Variants in BIRC2 observed in about 807,000 individuals in gnomAD.
BIRC2 encodes the protein baculoviral IAP repeat-containing protein 2.
In BIRC2, 18 loss-of-function variants were observed where a neutral mutation model predicts 60.9. That is an observed-to-expected ratio of 0.30 (90% CI 0.20 to 0.44). The LOEUF (loss-of-function observed/expected upper bound fraction) is 0.44. Among genes scored for constraint, BIRC2 ranks in the 20% least tolerant of loss-of-function variants. The pLI, the probability that BIRC2 is intolerant of heterozygous loss-of-function variation, is 1.00. For synonymous variants in BIRC2, 282 were observed against 247.7 expected (o/e 1.14, Z -1.30); for missense variants, 701 against 728.5 (o/e 0.96, Z 0.43).
chr11:102,367,002 A>G (rs1219786224), intron 5 of BIRC2, among the ~76,000 whole-genome samples: 3 of 152,182 alleles, frequency 2.0e-5, no homozygotes, highest in Non-Finnish European at 2.9e-5. Flanking sequence ...CTCTTTGCTT[A>G]GAAGACTTCT....
At chr11:102,352,045 G>T (rs551483824) in intron 3 of BIRC2, among the ~76,000 whole-genome samples, 9 of 151,156 alleles carry the variant, frequency 6.0e-5, no homozygotes, top group Non-Finnish European at 8.8e-5. Flanking sequence ...TACCCATCAA[G>T]TACTAATTCA....
chr11:102,375,334 A>C (rs929198144), intron 6 of BIRC2, among the ~76,000 whole-genome samples: 1 of 152,220 alleles, frequency 6.6e-6, no homozygotes, highest in East Asian at 1.9e-4. Flanking sequence ...AGAGAGGCGA[A>C]GGTTGCATAT....
chr11:102,348,802 G>A lies in BIRC2; in HGVS notation c.-1053G>A. The A allele has an allele frequency of 3.5e-6, 1 of 284,808 alleles. No individual in the cohort carries two copies. The highest frequency in any genetic ancestry group is 6.8e-6 in the Non-Finnish European group (1 of 146,198). 17.6% of individuals were successfully genotyped at this position (284,808 alleles called of 1,614,324 possible). On this transcript the variant is annotated 5_prime_UTR_variant, in exon 2 of 9. Transcript: ENST00000227758. ...GATTACTGATACTTTATGCTAAGCA[G>A]TACTTTTTTGGTAGTACAATATTTT...
intron 3 of BIRC2, among the ~76,000 whole-genome samples, chr11:102,353,294 A>G (rs1193066891): frequency 3.3e-5 from 5 of 152,150 alleles, no homozygotes; most frequent in Admixed American, 3.3e-4. Flanking sequence ...TGTTTTGTAA[A>G]TGCTTCTCTG....
chr11:102,347,522 T>G (rs1187373979), intron 1 of BIRC2, 146 bp downstream of exon 1: 1 of 152,218 alleles, frequency 6.6e-6, no homozygotes, highest in Non-Finnish European at 1.5e-5. Context: ...CGCCGGGGGC[T>G]CTCTGCTTTC....
In BIRC2 at chr11:102,368,663, C is replaced by G. The variant is rs1048731403; in HGVS notation, c.1366+115C>G. 1.3e-5 allele frequency: 18 copies of G among 1,389,492 alleles called. 1 individual carries two copies. Among genetic ancestry groups the G allele is most frequent in the Middle Eastern group, 1.9e-4 (1 of 5,372 alleles). The allele number at this position is 1,389,492 out of a possible 1,614,324, so 86.1% of individuals were successfully genotyped here. A position where few individuals can be genotyped will look rare whatever the true frequency, so the allele number is the denominator to read the frequency against. ...TCCACTAACTGCTGGTAGCAGTCCT[C>G]CAGTCATTTCGAAACCATCCCTCCT... On this transcript the variant is annotated intron_variant, in intron 6 of 8. Transcript: ENST00000227758.
chr11:102,373,049 G>A lies in BIRC2; in HGVS notation c.1367-4447G>A, dbSNP rs553747714. Among the ~76,000 whole-genome samples the A allele has an allele frequency of 2.8e-3, 419 of 150,252 alleles. 2 individuals are homozygous for A. The highest frequency in any genetic ancestry group is 9.9e-3 in the African/African-American group (402 of 40,800). On this transcript the variant is annotated intron_variant, in intron 6 of 8. Transcript: ENST00000227758. ...ATCTTCCTCCATCCTTTTATTTTGA[G>A]CCTATGTGTGTCTCTGCACGTGAGA...
intron 3 of BIRC2, among the ~76,000 whole-genome samples, chr11:102,358,528 C>T (rs1951448186): frequency 6.6e-6 from 1 of 152,156 alleles, no homozygotes; most frequent in Non-Finnish European, 1.5e-5. Context: ...TACTGATTTT[C>T]TGTCTGGATG....
At chr11:102,354,477 G>A (rs1419900107) in intron 3 of BIRC2, among the ~76,000 whole-genome samples, 4 of 152,190 alleles carry the variant, frequency 2.6e-5, no homozygotes, top group Admixed American at 6.5e-5. Flanking sequence ...GATTATAGGC[G>A]TGAACCACCA....
At chr11:102,361,476 T>C (rs1164402072) in intron 3 of BIRC2, among the ~76,000 whole-genome samples, 1 of 152,144 alleles carries the variant, frequency 6.6e-6, no homozygotes, top group African/African-American at 2.4e-5. Flanking sequence ...GCTGCTTTTT[T>C]TCAGGGTGAG....
intron 3 of BIRC2, among the ~76,000 whole-genome samples, chr11:102,360,100 G>A (rs572602556): frequency 5.3e-4 from 81 of 151,978 alleles, no homozygotes; most frequent in African/African-American, 9.2e-4. Flanking sequence ...CCACGTAGCT[G>A]GGACTACAGG....
At position 102,368,378 on chromosome 11, in the gene BIRC2, C is replaced by T. The variant is rs761286004; in HGVS notation, c.1196C>T (p.Ala399Val). 6.2e-7 allele frequency: 1 copy of T among 1,613,904 alleles called. No homozygotes were observed. The highest frequency in any genetic ancestry group is 8.5e-7 in the Non-Finnish European group (1 of 1,179,962). ...ATGAATACACCTGTGGTTAAATCTG[C>T]CTTGGAAATGGGCTTTAATAGAGAC... is the stretch of plus-strand genomic sequence containing the variant. ...VMMNTPVVKSALEMGFNRDLV... is the reference protein window; with the variant it reads ...VMMNTPVVKSVLEMGFNRDLV... Residue 399 changes from alanine to valine, a missense_variant, in exon 6 of 9, where the codon GCC becomes GTC. By Grantham distance (64) the Ala-to-Val change is moderately conservative. Transcript: ENST00000227758.
intron 3 of BIRC2, among the ~76,000 whole-genome samples, chr11:102,361,006 C>T (rs557318805): frequency 6.6e-6 from 1 of 152,192 alleles, no homozygotes; most frequent in South Asian, 2.1e-4. Flanking sequence ...TCTATAGTGG[C>T]AGAGGCTGCT....
intron 5 of BIRC2, among the ~76,000 whole-genome samples, chr11:102,365,702 A>G (rs11225229): frequency 0.06 from 9,045 of 152,010 alleles, 316 homozygotes; most frequent in Non-Finnish European, 0.074. Flanking sequence ...TCAGCCTCCC[A>G]AGTAGCTGGG....
At chr11:102,364,178 CACACACACAGAG>C (rs1565335651) in intron 5 of BIRC2, among the ~76,000 whole-genome samples, 10 of 62,748 alleles carry the variant, frequency 1.6e-4, no homozygotes, top group African/African-American at 4.5e-4. Context: ...TATATATACA[CACACACACAGAG>C]AGAGAGAGAG....
In BIRC2 at chr11:102,354,746, A is replaced by G. The variant is rs187853204; in HGVS notation, c.995+3803A>G. On this transcript the variant is annotated intron_variant, in intron 3 of 8. Coordinates refer to ENST00000227758, the MANE Select transcript of BIRC2 (RefSeq NM_001166.5). ...TTCCCTTTTCTTCACATCTTTGCCA[A>G]CTTTTGTTATTTCTTGTCTCCGATG... is the stretch of plus-strand genomic sequence containing the variant. 5.3e-5 allele frequency among the ~76,000 whole-genome samples: 8 copies of G among 152,274 alleles called. No homozygotes were observed. The South Asian group carries it at 8.3e-4, about 16-fold the overall frequency.
In BIRC2 at chr11:102,362,845, T is replaced by C. The variant is rs575235875; in HGVS notation, c.996-51T>C. ...AGCCATTTTTCTAGAATGATCAGGT[T>C]ATATTTGATATGAAACAATTTTAAA... On this transcript the variant is annotated intron_variant, in intron 3 of 8. Coordinates refer to ENST00000227758, the MANE Select transcript of BIRC2 (RefSeq NM_001166.5). 5.8e-6 allele frequency: 8 copies of C among 1,387,648 alleles called. No homozygotes were observed. The East Asian group carries it at 1.9e-4, about 33-fold the overall frequency. 86.0% of individuals were successfully genotyped at this position (1,387,648 alleles called of 1,614,324 possible).
At chr11:102,355,449 C>G (rs1031991447) in intron 3 of BIRC2, among the ~76,000 whole-genome samples, 2 of 152,020 alleles carry the variant, frequency 1.3e-5, no homozygotes, top group African/African-American at 4.8e-5. Flanking sequence ...TTTCTGGGCT[C>G]TCTGTTCTGT....
chr11:102,349,672 T>A lies in BIRC2; in HGVS notation c.-183T>A. 1.6e-6 allele frequency: 1 copy of A among 611,838 alleles called. No homozygotes were observed. Among genetic ancestry groups the A allele is most frequent in the South Asian group, 2.5e-5 (1 of 40,566 alleles). The allele number at this position is 611,838 out of a possible 1,614,324, so 37.9% of individuals were successfully genotyped here. A position where few individuals can be genotyped will look rare whatever the true frequency, so the allele number is the denominator to read the frequency against. ...CCAAAGAGTTGTGTTCTAAGTAGTA[T>A]CTTGGTAATTCAGAGAGATACTCAT... On this transcript the variant is annotated 5_prime_UTR_variant, in exon 2 of 9. Coordinates refer to ENST00000227758, the MANE Select transcript of BIRC2 (RefSeq NM_001166.5).
Sources: allele counts gnomAD v4.1 joint callset (sites outside exome capture counted in the v4.1 genomes callset), GRCh38; gene constraint gnomAD v4.1.1; transcripts MANE v1.5; gene names NCBI Gene and HGNC (gene_info 2026-07-23, HGNC 2026-07-21).